The following ZNF131 variants were observed in gnomAD, a reference collection of about 807,000 sequenced individuals.
ZNF131 encodes zinc finger protein 131.
ZNF131 carries 7 observed loss-of-function variants against 60.0 expected under a neutral mutation model. The ratio of observed to expected loss-of-function variants is 0.12; its 90% confidence interval spans 0.07 to 0.22. The LOEUF is 0.22. Among genes scored for constraint, ZNF131 ranks in the 10% least tolerant of loss-of-function variants. The pLI is 1.00. For synonymous variants in ZNF131, 257 were observed against 253.2 expected (o/e 1.01, Z -0.14); for missense variants, 493 against 740.9 (o/e 0.67, Z 3.88).
intron 4 of ZNF131, among the ~76,000 whole-genome samples, chr5:43,150,565 G>A (rs986980173): frequency 3.3e-5 from 5 of 152,134 alleles, no homozygotes; most frequent in East Asian, 1.9e-4. Flanking sequence ...CGAGGCGGGC[G>A]GATCATCTGA....
chr5:43,123,926 G>A (rs969836024), intron 3 of ZNF131: 5 of 151,952 alleles, frequency 3.3e-5, no homozygotes, highest in Non-Finnish European at 5.9e-5. Flanking sequence ...AGTGCCAGGC[G>A]TTGTGATATG....
chr5:43,147,810 T>C lies in ZNF131; in HGVS notation c.371+8501T>C, dbSNP rs560255103. Among the ~76,000 whole-genome samples the C allele has an allele frequency of 2.0e-3, 302 of 151,394 alleles. 1 individual carries two copies. Among genetic ancestry groups the C allele is most frequent in the African/African-American group, 6.9e-3 (285 of 41,358 alleles). On this transcript the variant is annotated intron_variant, in intron 4 of 6. Coordinates refer to ENST00000682664, the MANE Select transcript of ZNF131 (RefSeq NM_001330707.2). Reference sequence around the variant, plus strand: ...TGGTTTATGCCTGTAATCACAGCACTTTGGGATGCCGAGGCAGGTGGATCA... The same window carrying C: ...TGGTTTATGCCTGTAATCACAGCACCTTGGGATGCCGAGGCAGGTGGATCA...
intron 4 of ZNF131, chr5:43,143,398 A>G (rs1030528902): frequency 1.4e-6 from 2 of 1,403,044 alleles, no homozygotes; most frequent in African/African-American, 1.5e-5. Flanking sequence ...TGGACTGCAC[A>G]TAGTCCTCAA....
At position 43,151,219 on chromosome 5, in the gene ZNF131, C is replaced by T. The variant is rs544937404; in HGVS notation, c.372-10030C>T. On this transcript the variant is annotated intron_variant, in intron 4 of 6. Transcript: ENST00000682664. Reference sequence around the variant, plus strand: ...AGCTTAAGTCATGCACAATGTTGTACCACTTTTTTAATTGGATTACTCCTA... The same window carrying T: ...AGCTTAAGTCATGCACAATGTTGTATCACTTTTTTAATTGGATTACTCCTA... Among the ~76,000 whole-genome samples, 6 of 152,198 alleles carry T rather than the reference C, an allele frequency of 3.9e-5. No individual in the cohort carries two copies. The South Asian group carries it at 6.2e-4, about 16-fold the overall frequency.
intron 4 of ZNF131, among the ~76,000 whole-genome samples, chr5:43,142,478 G>A (rs1214550362): frequency 6.6e-6 from 1 of 151,048 alleles, no homozygotes; most frequent in African/African-American, 2.4e-5. Flanking sequence ...TAATTTTTTT[G>A]TATTTTTAAT....
At chr5:43,170,674 C>A (rs1328201608) in intron 5 of ZNF131, among the ~76,000 whole-genome samples, 1 of 151,606 alleles carries the variant, frequency 6.6e-6, no homozygotes, top group Non-Finnish European at 1.5e-5. Flanking sequence ...ACTCGGTCAC[C>A]CAGGCTGGAG....
chr5:43,139,396 A>T, intron 4 of ZNF131, 87 bp downstream of exon 4: 3 of 1,294,246 alleles, frequency 2.3e-6, no homozygotes, highest in Non-Finnish European at 3.0e-6. Flanking sequence ...GTGTCATGCC[A>T]TGAAGAACAG....
intron 5 of ZNF131, among the ~76,000 whole-genome samples, chr5:43,170,882 G>T (rs1047207687): frequency 7.4e-5 from 11 of 149,520 alleles, no homozygotes; most frequent in African/African-American, 2.7e-4. Flanking sequence ...TGATCCACCC[G>T]ACTCAGTCTC....
chr5:43,154,792 A>C (rs1725734959), intron 4 of ZNF131, among the ~76,000 whole-genome samples: 1 of 152,154 alleles, frequency 6.6e-6, no homozygotes, highest in African/African-American at 2.4e-5. Flanking sequence ...TGCACATCTG[A>C]ATGAGTGACC....
intron 4 of ZNF131, among the ~76,000 whole-genome samples, chr5:43,147,185 C>G (rs1747693506): frequency 6.6e-6 from 1 of 151,514 alleles, no homozygotes; most frequent in Non-Finnish European, 1.5e-5. Flanking sequence ...TAGTATTCCA[C>G]AGTGTGGGTA....
chr5:43,157,149 G>C (rs758054001), intron 4 of ZNF131, among the ~76,000 whole-genome samples: 8 of 152,130 alleles, frequency 5.3e-5, no homozygotes, highest in African/African-American at 1.4e-4. Context: ...GGCCCTTATA[G>C]AAGCCAAGAC....
intron 4 of ZNF131, among the ~76,000 whole-genome samples, chr5:43,150,048 A>G (rs937164406): frequency 6.6e-6 from 1 of 152,168 alleles, no homozygotes; most frequent in Non-Finnish European, 1.5e-5. Context: ...CCATGTTTGT[A>G]TCAGTGTTTC....
At chr5:43,150,787 C>CA (rs1421111460) in intron 4 of ZNF131, among the ~76,000 whole-genome samples, 1 of 151,858 alleles carries the variant, frequency 6.6e-6, no homozygotes, top group East Asian at 1.9e-4. Context: ...CAAAAACAAA[C>CA]AAAAAACACA....
At position 43,175,240 on chromosome 5, in the gene ZNF131, A is replaced by C. The variant is rs1436958325; in HGVS notation, c.*107A>C. 8.6e-7 allele frequency: 1 copy of C among 1,157,834 alleles called. No homozygotes were observed. The highest frequency in any genetic ancestry group is 2.6e-5 in the East Asian group (1 of 39,080). 71.7% of individuals were successfully genotyped at this position (1,157,834 alleles called of 1,614,324 possible). A position where few individuals can be genotyped will look rare whatever the true frequency, so the allele number is the denominator to read the frequency against. On this transcript the variant is annotated 3_prime_UTR_variant, in exon 7 of 7. Coordinates refer to ENST00000682664, the MANE Select transcript of ZNF131 (RefSeq NM_001330707.2). Reference sequence around the variant, plus strand: ...CTAACAGACAAGTGGACCAAAGTTAAGCTGTTTCCTGTTGTGCTGAACTGT... The same window carrying C: ...CTAACAGACAAGTGGACCAAAGTTACGCTGTTTCCTGTTGTGCTGAACTGT...
intron 5 of ZNF131, among the ~76,000 whole-genome samples, chr5:43,163,992 G>A (rs910121843): frequency 2.0e-5 from 3 of 152,200 alleles, no homozygotes; most frequent in African/African-American, 4.8e-5. Context: ...TACAGGAATA[G>A]CAAAGGGATC....
intron 4 of ZNF131, among the ~76,000 whole-genome samples, chr5:43,147,449 G>C (rs568130176): frequency 6.6e-6 from 1 of 150,724 alleles, no homozygotes; most frequent in African/African-American, 2.4e-5. Context: ...ACGGAGTCTC[G>C]CTCTGTCGCC....
At chr5:43,125,029 C>CA (rs71608687) in intron 3 of ZNF131, 14,358 of 85,072 alleles carry the variant, frequency 0.17, 814 homozygotes, top group Middle Eastern at 0.26. Flanking sequence ...GGCCCTGTCT[C>CA]AAAAAAAAAA....
chr5:43,164,339 A>G (rs967855848), intron 5 of ZNF131, among the ~76,000 whole-genome samples: 10 of 152,188 alleles, frequency 6.6e-5, no homozygotes, highest in Non-Finnish European at 1.3e-4. Context: ...ATACCAAGGG[A>G]CGCCTACCTG....
intron 4 of ZNF131, among the ~76,000 whole-genome samples, chr5:43,160,677 A>AATTTTTTTTT (rs1749569232): frequency 8.3e-6 from 1 of 121,100 alleles, no homozygotes; most frequent in Non-Finnish European, 1.8e-5. Flanking sequence ...TTAGCTTGGA[A>AATTTTTTTTT]CTTTTTTTTT....
Sources: allele counts gnomAD v4.1 joint callset (sites outside exome capture counted in the v4.1 genomes callset), GRCh38; gene constraint gnomAD v4.1.1; transcripts MANE v1.5; gene names NCBI Gene and HGNC (gene_info 2026-07-23, HGNC 2026-07-21).